MSRA: variants seen among roughly 807,000 people sequenced by gnomAD.
MSRA encodes methionine sulfoxide reductase A.
A neutral mutation model predicts 31.3 loss-of-function variants in MSRA; 54 were observed. That is an observed-to-expected ratio of 1.73 (90% CI 1.39 to 2.17). The LOEUF is 2.17. Among genes scored for constraint, MSRA ranks in the 30% most tolerant of loss-of-function variants. MSRA has a pLI of 0.00. For synonymous variants in MSRA, 169 were observed against 116.5 expected (o/e 1.45, Z -2.90); for missense variants, 507 against 300.9 (o/e 1.69, Z -5.07).
At chr8:10,083,882 C>T (rs972853783) in intron 1 of MSRA, among the ~76,000 whole-genome samples, 1 of 152,178 alleles carries the variant, frequency 6.6e-6, no homozygotes, top group Non-Finnish European at 1.5e-5. Flanking sequence ...AATACTTTCT[C>T]TGAGAATTAG....
At chr8:10,103,795 A>G (rs1009692903) in intron 1 of MSRA, among the ~76,000 whole-genome samples, 1 of 152,036 alleles carries the variant, frequency 6.6e-6, no homozygotes, top group Admixed American at 6.6e-5. Flanking sequence ...ATGAATACCC[A>G]TATACCCATT....
chr8:10,398,510 G>A (rs1178748185), intron 5 of MSRA, among the ~76,000 whole-genome samples: 1 of 152,200 alleles, frequency 6.6e-6, no homozygotes, highest in Non-Finnish European at 1.5e-5. Context: ...GATTGCCTTT[G>A]CCCTGAGATG....
chr8:10,349,894 G>A (rs1227639137), intron 5 of MSRA, among the ~76,000 whole-genome samples: 1 of 152,230 alleles, frequency 6.6e-6, no homozygotes, highest in Non-Finnish European at 1.5e-5. Flanking sequence ...GCATTGAGGG[G>A]CCTTCCCCTG....
chr8:10,074,225 T>A (rs1797884208), intron 1 of MSRA, among the ~76,000 whole-genome samples: 1 of 151,466 alleles, frequency 6.6e-6, no homozygotes, highest in Non-Finnish European at 1.5e-5. Context: ...TGGGACTACA[T>A]GCACCCGCCA....
chr8:10,269,137 A>G (rs1563290454), intron 3 of MSRA, among the ~76,000 whole-genome samples: 1 of 152,234 alleles, frequency 6.6e-6, no homozygotes, highest in Non-Finnish European at 1.5e-5. Context: ...CACAAAATGC[A>G]ATTTGCTGCT....
chr8:10,110,166 G>A (rs755410718), intron 1 of MSRA, among the ~76,000 whole-genome samples: 3 of 152,128 alleles, frequency 2.0e-5, no homozygotes, highest in East Asian at 1.9e-4. Context: ...CTTTGTCCAC[G>A]CTAACACCAT....
At chr8:10,125,257 G>C (rs746933073) in intron 1 of MSRA, among the ~76,000 whole-genome samples, 1 of 152,224 alleles carries the variant, frequency 6.6e-6, no homozygotes, top group African/African-American at 2.4e-5. Flanking sequence ...CTTCCTCTGT[G>C]TGTAGCCCAG....
At chr8:10,205,345 G>A (rs532457994) in intron 1 of MSRA, among the ~76,000 whole-genome samples, 9 of 152,240 alleles carry the variant, frequency 5.9e-5, no homozygotes, top group East Asian at 3.9e-4. Context: ...GGGGACAGTC[G>A]CTGGCTGTGG....
chr8:10,362,278 T>A (rs1418816690), intron 5 of MSRA, among the ~76,000 whole-genome samples: 1 of 152,160 alleles, frequency 6.6e-6, no homozygotes, highest in African/African-American at 2.4e-5. Flanking sequence ...GGAGCACTCC[T>A]GTCAATGAAA....
In MSRA at chr8:10,271,621, C is replaced by G. The variant is rs78726814; in HGVS notation, c.331+26398C>G. 0.019 allele frequency among the ~76,000 whole-genome samples: 1,455 copies of G among 76,110 alleles called. 83 individuals are homozygous for G. In the East Asian group the frequency reaches 0.28, roughly 15 times the overall value. The allele number at this position is 76,110 out of a possible 152,430, so 49.9% of individuals were successfully genotyped here. A position where few individuals can be genotyped will look rare whatever the true frequency, so the allele number is the denominator to read the frequency against. On this transcript the variant is annotated intron_variant, in intron 3 of 5. Coordinates refer to ENST00000317173, the MANE Select transcript of MSRA (RefSeq NM_012331.5). ...ATCTCTACAAAAAATTCCGATTTAT[C>G]AGACAGTCAATTTGCATTACAAAGG...
chr8:10,104,297 C>G lies in MSRA; in HGVS notation c.142+49639C>G, dbSNP rs187871637. 1.5e-3 allele frequency among the ~76,000 whole-genome samples: 222 copies of G among 152,318 alleles called. 3 individuals carry two copies. Among genetic ancestry groups the G allele is most frequent in the African/African-American group, 4.9e-3 (205 of 41,560 alleles). ...AATGTGAACCCAAAAGTATCTGAGACAGGTCTCAATCAATTTAGAAAGTTT... is the reference window on the plus strand; with the variant it reads ...AATGTGAACCCAAAAGTATCTGAGAGAGGTCTCAATCAATTTAGAAAGTTT... On this transcript the variant is annotated intron_variant, in intron 1 of 5. Transcript: ENST00000317173.
intron 3 of MSRA, among the ~76,000 whole-genome samples, chr8:10,248,269 CA>C (rs1422158293): frequency 6.6e-6 from 1 of 152,164 alleles, no homozygotes. Context: ...AGAAAAGAAG[CA>C]TAGAGACCTG....
At chr8:10,130,860 G>A (rs1801842825) in intron 1 of MSRA, among the ~76,000 whole-genome samples, 1 of 152,160 alleles carries the variant, frequency 6.6e-6, no homozygotes. Context: ...GAAAGCTAAT[G>A]ACACCTCCGA....
At chr8:10,286,284 TG>T (rs1228036246) in intron 3 of MSRA, among the ~76,000 whole-genome samples, 2 of 152,182 alleles carry the variant, frequency 1.3e-5, no homozygotes, top group Non-Finnish European at 2.9e-5. Context: ...CCATGTGTTG[TG>T]GGAGGGACCT....
At chr8:10,314,802 A>G (rs1312142505) in intron 4 of MSRA, among the ~76,000 whole-genome samples, 1 of 152,258 alleles carries the variant, frequency 6.6e-6, no homozygotes, top group African/African-American at 2.4e-5. Context: ...AGCCATGAAA[A>G]TGAAGAAAAT....
At chr8:10,099,815 A>G (rs750758305) in intron 1 of MSRA, among the ~76,000 whole-genome samples, 6 of 152,140 alleles carry the variant, frequency 3.9e-5, no homozygotes, top group Non-Finnish European at 7.3e-5. Flanking sequence ...GTGGCCCTGG[A>G]CACCGGCTTT....
At chr8:10,222,981 G>A (rs1039124893) in intron 2 of MSRA, among the ~76,000 whole-genome samples, 1 of 152,172 alleles carries the variant, frequency 6.6e-6, no homozygotes, top group Non-Finnish European at 1.5e-5. Flanking sequence ...ACATAACAGT[G>A]TTAAGTGTGT....
intron 1 of MSRA, among the ~76,000 whole-genome samples, chr8:10,154,691 T>C (rs1342524200): frequency 6.6e-6 from 1 of 152,188 alleles, no homozygotes; most frequent in East Asian, 1.9e-4. Flanking sequence ...TTGTGTTTTA[T>C]AGGAAGAATA....
chr8:10,164,010 T>G (rs1029360491), intron 1 of MSRA, among the ~76,000 whole-genome samples: 1 of 152,250 alleles, frequency 6.6e-6, no homozygotes, highest in Non-Finnish European at 1.5e-5. Context: ...TAAGAAGAAA[T>G]TCTCTTAGCC....
Sources: gnomAD v4.1 joint callset for allele counts (sites outside exome capture counted in the v4.1 genomes callset) on GRCh38, gnomAD v4.1.1 for gene constraint, MANE v1.5 for transcripts, NCBI Gene and HGNC (gene_info 2026-07-23, HGNC 2026-07-21) for gene names.